HEG1: variants seen among roughly 807,000 people sequenced by gnomAD.
HEG1 encodes the protein heart development protein with EGF like domains 1.
A neutral mutation model predicts 125.6 loss-of-function variants in HEG1; 56 were observed. That is an observed-to-expected ratio of 0.45 (90% CI 0.36 to 0.56). The LOEUF (loss-of-function observed/expected upper bound fraction) is 0.56, where lower values mean the gene tolerates loss of function less well. HEG1 is among the 20% of genes least tolerant of loss of function. The pLI is 0.00. For synonymous variants in HEG1, 644 were observed against 668.5 expected (o/e 0.96, Z 0.57); for missense variants, 1,523 against 1,670.0 (o/e 0.91, Z 1.53).
chr3:125,018,558 A>G (rs1319250057), intron 5 of HEG1, among the ~76,000 whole-genome samples: 1 of 152,220 alleles, frequency 6.6e-6, no homozygotes, highest in Admixed American at 6.5e-5. Flanking sequence ...TTTTTAAAAA[A>G]CAGAGAATTT....
intron 3 of HEG1, among the ~76,000 whole-genome samples, chr3:125,023,560 A>C (rs891600974): frequency 6.6e-6 from 1 of 152,206 alleles, no homozygotes; most frequent in Admixed American, 6.5e-5. Context: ...ATGTGTGTGA[A>C]TACTTTGGCA....
At chr3:125,022,418 A>G (rs2107704617) in intron 3 of HEG1, among the ~76,000 whole-genome samples, 1 of 151,648 alleles carries the variant, frequency 6.6e-6, no homozygotes, top group African/African-American at 2.4e-5. Flanking sequence ...AGAGAGAGAG[A>G]GAGAGAGCAT....
intron 14 of HEG1, among the ~76,000 whole-genome samples, chr3:124,986,805 A>G (rs973460961): frequency 6.6e-6 from 1 of 152,234 alleles, no homozygotes; most frequent in African/African-American, 2.4e-5. Flanking sequence ...GAACCCCACA[A>G]AAATAATGGA....
intron 5 of HEG1, chr3:125,015,093 C>T: frequency 4.0e-6 from 4 of 991,092 alleles, no homozygotes; most frequent in Non-Finnish European, 5.2e-6. Context: ...ACTTCCTGGG[C>T]TGTGGGAGCC....
At position 124,969,317 on chromosome 3, in the gene HEG1, A is replaced by G. The variant is rs1210502071; in HGVS notation, c.*1335T>C. 1.3e-5 allele frequency: 2 copies of G among 152,180 alleles called. No individual in the cohort carries two copies. The highest frequency in any genetic ancestry group is 2.9e-5 in the Non-Finnish European group (2 of 68,036). 9.4% of individuals were successfully genotyped at this position (152,180 alleles called of 1,614,324 possible). ...CATCACAGGCATAATAAATAAGATGAGTGGAACTTCCTTCCCGAAGGTCAA... is the reference window on the plus strand; with the variant it reads ...CATCACAGGCATAATAAATAAGATGGGTGGAACTTCCTTCCCGAAGGTCAA... On this transcript the variant is annotated 3_prime_UTR_variant, in exon 17 of 17. Transcript: ENST00000311127.
intron 16 of HEG1, chr3:124,972,126 G>A (rs1005251156): frequency 2.0e-4 from 31 of 152,170 alleles, no homozygotes; most frequent in African/African-American, 7.5e-4. Context: ...ATAAAAATGG[G>A]GTTCATTTAC....
At chr3:125,035,259 A>G (rs941653468) in intron 1 of HEG1, among the ~76,000 whole-genome samples, 1 of 133,902 alleles carries the variant, frequency 7.5e-6, no homozygotes, top group Non-Finnish European at 1.7e-5. Context: ...GTAATATTTT[A>G]AAAGGTAATG....
At chr3:124,985,147 T>A (rs2107689907) in intron 14 of HEG1, among the ~76,000 whole-genome samples, 1 of 152,308 alleles carries the variant, frequency 6.6e-6, no homozygotes, top group Non-Finnish European at 1.5e-5. Flanking sequence ...CTGGTGAGAA[T>A]TCAGATTCGG....
In HEG1 at chr3:124,986,030, G is replaced by A. The variant is rs543744077; in HGVS notation, c.3733+4757C>T. On this transcript the variant is annotated intron_variant, in intron 14 of 16. Transcript: ENST00000311127. ...TGACCTCAAGTGACTCTCCTGCCTCGGCCTCCCAAAGTGCTGGGATTACAG... is the reference window on the plus strand; with the variant it reads ...TGACCTCAAGTGACTCTCCTGCCTCAGCCTCCCAAAGTGCTGGGATTACAG... Among the ~76,000 whole-genome samples, 81 of 152,188 alleles carry A rather than the reference G, an allele frequency of 5.3e-4. 1 individual carries two copies. The highest frequency in any genetic ancestry group is 1.7e-3 in the African/African-American group (70 of 41,518).
Position 125,009,730 on chromosome 3 carries a change from C to T in HEG1, c.3168G>A (p.Gln1056=). The change falls in exon 8 of 17, where the codon CAG becomes CAA. Residue 1056 remains glutamine (Q), a synonymous_variant. Coordinates refer to ENST00000311127, the MANE Select transcript of HEG1 (RefSeq NM_020733.2). ...SFICKCPVGY[Q]LEKGICNLVR... ...CCAAATTGCATATCCCTTTTTCCAA[C>T]TGGTACCCAACCGGGCATTTGCAGA... 1 of 1,613,298 alleles carries T rather than the reference C, an allele frequency of 6.2e-7. No individual in the cohort carries two copies. Among genetic ancestry groups the T allele is most frequent in the Non-Finnish European group, 8.5e-7 (1 of 1,179,450 alleles).
chr3:125,054,409 C>T (rs1217184751), intron 1 of HEG1, among the ~76,000 whole-genome samples: 1 of 152,210 alleles, frequency 6.6e-6, no homozygotes, highest in Non-Finnish European at 1.5e-5. Context: ...TACAGGAGAA[C>T]TTGATTTTTA....
At chr3:125,019,216 C>T (rs1244353458) in intron 5 of HEG1, 46 bp downstream of exon 5, 2 of 1,474,632 alleles carry the variant, frequency 1.4e-6, no homozygotes, top group Admixed American at 1.7e-5. Flanking sequence ...ATCATGAGTC[C>T]CTCTCTCCTC....
At chr3:124,984,213 C>T (rs894737160) in intron 14 of HEG1, among the ~76,000 whole-genome samples, 5 of 152,098 alleles carry the variant, frequency 3.3e-5, no homozygotes, top group Admixed American at 1.3e-4. Flanking sequence ...GATATTTAAG[C>T]GGAATGTCTG....
intron 1 of HEG1, among the ~76,000 whole-genome samples, chr3:125,038,858 A>T (rs78646455): frequency 5.9e-5 from 9 of 152,310 alleles, no homozygotes; most frequent in African/African-American, 2.2e-4. Flanking sequence ...CCTGGGCCCA[A>T]TGAAGTCAGG....
At chr3:125,053,651 T>C (rs1360865785) in intron 1 of HEG1, among the ~76,000 whole-genome samples, 1 of 152,180 alleles carries the variant, frequency 6.6e-6, no homozygotes, top group African/African-American at 2.4e-5. Flanking sequence ...CTTTCTGGGA[T>C]TCTCACATGT....
At chr3:125,003,582 G>T (rs770324816) in intron 9 of HEG1, among the ~76,000 whole-genome samples, 1 of 152,248 alleles carries the variant, frequency 6.6e-6, no homozygotes, top group Non-Finnish European at 1.5e-5. Context: ...ACCTGGGGGT[G>T]CTGGGCCATG....
chr3:125,046,035 C>T (rs544735995), intron 1 of HEG1, among the ~76,000 whole-genome samples: 1 of 152,244 alleles, frequency 6.6e-6, no homozygotes, highest in South Asian at 2.1e-4. Context: ...TTATTATCCT[C>T]ATTTTTAATA....
At chr3:125,026,834 T>C (rs991903990) in intron 3 of HEG1, among the ~76,000 whole-genome samples, 3 of 152,100 alleles carry the variant, frequency 2.0e-5, no homozygotes, top group African/African-American at 4.8e-5. Context: ...ACCCCGTCTC[T>C]ACTAAAAATA....
intron 14 of HEG1, among the ~76,000 whole-genome samples, chr3:124,986,564 C>G (rs1206776850): frequency 6.6e-6 from 1 of 152,174 alleles, no homozygotes; most frequent in Non-Finnish European, 1.5e-5. Context: ...TATTAACTGT[C>G]TTGCAACACT....
Sources: gnomAD v4.1 joint callset for allele counts (sites outside exome capture counted in the v4.1 genomes callset) on GRCh38, gnomAD v4.1.1 for gene constraint, MANE v1.5 for transcripts, NCBI Gene and HGNC (gene_info 2026-07-23, HGNC 2026-07-21) for gene names.